The following METTL15 variants were observed in gnomAD, a reference collection of about 807,000 sequenced individuals.
METTL15 encodes methyltransferase 15, mitochondrial 12S rRNA N4-cytidine, also known as 12S rRNA N(4)-cytidine methyltransferase METTL15.
In METTL15, 34 loss-of-function variants were observed where a neutral mutation model predicts 38.3. The ratio of observed to expected loss-of-function variants is 0.89; its 90% CI spans 0.68 to 1.18. The LOEUF is 1.18. Among genes scored for constraint, METTL15 ranks in the 50% most tolerant of loss-of-function variants. The pLI is 0.00. For missense variants in METTL15, 438 were observed against 498.4 expected, an observed-to-expected ratio of 0.88 and a Z score of 1.15; for synonymous variants, 162 against 170.9, an observed-to-expected ratio of 0.95 and a Z score of 0.41.
At chr11:28,224,186 A>T (rs1853374941) in intron 4 of METTL15, among the ~76,000 whole-genome samples, 1 of 151,880 alleles carries the variant, frequency 6.6e-6, no homozygotes, top group South Asian at 2.1e-4. Context: ...TCTAATTGTC[A>T]GTGTTTCATT....
chr11:28,202,785 A>G (rs1483217508), intron 3 of METTL15, among the ~76,000 whole-genome samples: 1 of 152,166 alleles, frequency 6.6e-6, no homozygotes, highest in Non-Finnish European at 1.5e-5. Context: ...AAGTGAAGTC[A>G]GGCCATATTG....
At chr11:28,298,368 G>T (rs1856809830) in intron 6 of METTL15, among the ~76,000 whole-genome samples, 1 of 152,052 alleles carries the variant, frequency 6.6e-6, no homozygotes, top group Admixed American at 6.6e-5. Flanking sequence ...TGCTGAAAAT[G>T]AGGTGTTGGG....
chr11:28,349,418 G>A (rs1307358535), intron 3 of METTL15, among the ~76,000 whole-genome samples: 1 of 152,152 alleles, frequency 6.6e-6, no homozygotes, highest in Non-Finnish European at 1.5e-5. Flanking sequence ...TGGAAGGCAG[G>A]ATACTAATAT....
intron 6 of METTL15, among the ~76,000 whole-genome samples, chr11:28,525,998 A>G (rs10835354): frequency 0.45 from 68,561 of 152,140 alleles, 16,019 homozygotes; most frequent in Admixed American, 0.54. Context: ...CTGGTGGGCC[A>G]GCACTGCTGG....
intron 6 of METTL15, among the ~76,000 whole-genome samples, chr11:28,308,564 A>G (rs1242739210): frequency 1.3e-5 from 2 of 152,194 alleles, no homozygotes; most frequent in African/African-American, 4.8e-5. Context: ...TTCAAAGAAC[A>G]GATAGTTCTT....
chr11:28,202,420 A>G (rs1852151442), intron 3 of METTL15, among the ~76,000 whole-genome samples: 1 of 151,972 alleles, frequency 6.6e-6, no homozygotes, highest in Non-Finnish European at 1.5e-5. Context: ...ATGGAATGCT[A>G]TGTATATCTT....
At chr11:28,308,422 G>A (rs1203245123) in intron 6 of METTL15, among the ~76,000 whole-genome samples, 1 of 151,834 alleles carries the variant, frequency 6.6e-6, no homozygotes, top group African/African-American at 2.4e-5. Context: ...TATAATCTAG[G>A]TAAGATACTG....
At chr11:28,218,653 G>C (rs1200904707) in intron 4 of METTL15, among the ~76,000 whole-genome samples, 1 of 152,236 alleles carries the variant, frequency 6.6e-6, no homozygotes, top group South Asian at 2.1e-4. Context: ...CAAAGGGAAT[G>C]CTTCCAGTTT....
chr11:28,183,265 A>G (rs1036195967), intron 3 of METTL15, among the ~76,000 whole-genome samples: 1 of 152,124 alleles, frequency 6.6e-6, no homozygotes, highest in African/African-American at 2.4e-5. Flanking sequence ...CTCCTGCCTG[A>G]TTACCCTGGC....
intron 5 of METTL15, among the ~76,000 whole-genome samples, chr11:28,369,534 T>C (rs1850222407): frequency 6.6e-6 from 1 of 151,994 alleles, no homozygotes; most frequent in Non-Finnish European, 1.5e-5. Context: ...ACAATGAGAA[T>C]CTTGAAAACA....
intron 4 of METTL15, among the ~76,000 whole-genome samples, chr11:28,360,260 G>A (rs951099734): frequency 2.0e-5 from 3 of 152,128 alleles, no homozygotes; most frequent in Non-Finnish European, 4.4e-5. Context: ...GGGCCTACCA[G>A]CCAAATTTGT....
intron 6 of METTL15, among the ~76,000 whole-genome samples, chr11:28,471,580 G>A (rs1214996940): frequency 1.3e-5 from 2 of 151,968 alleles, no homozygotes; most frequent in Non-Finnish European, 2.9e-5. Flanking sequence ...TGGGGGTTAT[G>A]GCCTTCCAGC....
chr11:28,271,699 C>T (rs537502269), intron 4 of METTL15, among the ~76,000 whole-genome samples: 1 of 151,932 alleles, frequency 6.6e-6, no homozygotes, highest in South Asian at 2.1e-4. Flanking sequence ...AATTACTATA[C>T]TAAAAGCCAA....
chr11:28,483,034 C>T (rs982890925), intron 6 of METTL15, among the ~76,000 whole-genome samples: 2 of 149,370 alleles, frequency 1.3e-5, no homozygotes, highest in African/African-American at 5.0e-5. Flanking sequence ...CTTCAGTGAA[C>T]ATGAAAAAAA....
intron 6 of METTL15, among the ~76,000 whole-genome samples, chr11:28,467,450 G>A (rs1478464545): frequency 2.6e-5 from 4 of 152,186 alleles, no homozygotes; most frequent in Admixed American, 6.6e-5. Context: ...TCCACTCTGC[G>A]TGTATCTAAT....
At chr11:28,203,208 T>C (rs941035962) in intron 3 of METTL15, among the ~76,000 whole-genome samples, 4 of 152,106 alleles carry the variant, frequency 2.6e-5, no homozygotes, top group African/African-American at 9.7e-5. Flanking sequence ...CCTATGAGTC[T>C]ATGATTTTAA....
rs565043309 is a variant in METTL15, at chr11:28,158,969, G to A, written c.270+45365G>A. ...TTTCTCCCATAGCCGGGATTCACGG[G>A]TCCAGGAATCAAGGGGTGGAAGTGG... On this transcript the variant is annotated intron_variant, in intron 3 of 6. Transcript: ENST00000407364. 4.6e-5 allele frequency among the ~76,000 whole-genome samples: 7 copies of A among 152,168 alleles called. No individual in the cohort carries two copies. In the South Asian group the frequency reaches 1.5e-3, roughly 32 times the overall value.
At chr11:28,395,866 A>C (rs965135030) in intron 5 of METTL15, among the ~76,000 whole-genome samples, 1 of 152,182 alleles carries the variant, frequency 6.6e-6, no homozygotes, top group African/African-American at 2.4e-5. Flanking sequence ...TGGCAAACCG[A>C]ATCCAGCAGC....
At chr11:28,159,548 G>A (rs1398605995) in intron 3 of METTL15, among the ~76,000 whole-genome samples, 4 of 151,992 alleles carry the variant, frequency 2.6e-5, no homozygotes, top group African/African-American at 7.3e-5. Flanking sequence ...CTATGACCAC[G>A]TGACCAGCTG....
Sources: allele counts gnomAD v4.1 joint callset (sites outside exome capture counted in the v4.1 genomes callset), GRCh38; gene constraint gnomAD v4.1.1; transcripts MANE v1.5; gene names NCBI Gene and HGNC (gene_info 2026-07-23, HGNC 2026-07-21).